The following PLCB1 variants were observed in gnomAD, a reference collection of about 807,000 sequenced individuals.
PLCB1 encodes phospholipase C beta 1, also known as 1-phosphatidylinositol 4,5-bisphosphate phosphodiesterase beta-1.
In PLCB1, 46 loss-of-function variants were observed where a neutral mutation model predicts 161.8. The observed-to-expected ratio is 0.28, with a 90% CI of 0.22 to 0.36. The LOEUF is 0.36. Among genes scored for constraint, PLCB1 ranks in the 10% least tolerant of loss-of-function variants. The pLI is 1.00. For missense variants in PLCB1, 1,016 were observed against 1,472.5 expected, an observed-to-expected ratio of 0.69 and a Z score of 5.07; for synonymous variants, 517 against 503.7, an observed-to-expected ratio of 1.03 and a Z score of -0.35.
intron 1 of PLCB1, among the ~76,000 whole-genome samples, chr20:8,146,391 G>A (rs2051454843): frequency 6.6e-6 from 1 of 152,162 alleles, no homozygotes; most frequent in Non-Finnish European, 1.5e-5. Context: ...TAATAATAGT[G>A]TCTACCTCTT....
intron 2 of PLCB1, among the ~76,000 whole-genome samples, chr20:8,202,227 G>GC (rs5840254): frequency 1 from 152,240 of 152,246 alleles, 76,117 homozygotes; most frequent in Middle Eastern, 1. Context: ...ACAGGCATGC[G>GC]CACCATGCCC....
rs1358745879 is a variant in PLCB1, at chr20:8,466,773, C to T, written c.246+95323C>T. On this transcript the variant is annotated intron_variant, in intron 3 of 31. Transcript: ENST00000338037. The stretch of plus-strand genomic sequence containing the variant: ...CTATCACTTAACAGTCACAATTTTC[C>T]CCAATTTCATGTCATGCATACATTT... Among the ~76,000 whole-genome samples, 3 of 151,980 alleles carry T rather than the reference C, an allele frequency of 2.0e-5. No individual in the cohort carries two copies. In the East Asian group the frequency reaches 5.8e-4, roughly 29 times the overall value.
At chr20:8,361,023 G>A (rs1986522037) in intron 2 of PLCB1, among the ~76,000 whole-genome samples, 1 of 152,178 alleles carries the variant, frequency 6.6e-6, no homozygotes, top group African/African-American at 2.4e-5. Flanking sequence ...CACCAGATAT[G>A]CCATACTGTG....
rs574015779 is a variant in PLCB1, at chr20:8,788,347, A to T, written c.3112-102A>T. 6.2e-5 allele frequency: 65 copies of T among 1,044,586 alleles called. 2 individuals are homozygous for T. In the South Asian group the frequency reaches 9.5e-4, roughly 15 times the overall value. 64.7% of individuals were successfully genotyped at this position (1,044,586 alleles called of 1,614,324 possible). ...CAACTTTAACTATTGTGAAACATCC[A>T]TCACAGATATTCTAACTATAGATTC... On this transcript the variant is annotated intron_variant, in intron 27 of 31. Transcript: ENST00000338037.
At chr20:8,605,945 CTTCATCCAT>C (rs1987746238) in intron 3 of PLCB1, among the ~76,000 whole-genome samples, 1 of 152,152 alleles carries the variant, frequency 6.6e-6, no homozygotes, top group Admixed American at 6.6e-5. Context: ...TGGCCTCCAG[CTTCATCCAT>C]TTCATCCATT....
chr20:8,391,750 G>A (rs1335516025), intron 3 of PLCB1, among the ~76,000 whole-genome samples: 5 of 139,740 alleles, frequency 3.6e-5, no homozygotes, highest in African/African-American at 1.3e-4. Context: ...CTGTGAGACT[G>A]GTAAATAATG....
In PLCB1 at chr20:8,629,851, T is replaced by TTC. The variant is rs1211823755; in HGVS notation, c.384+1422_384+1423dup. On this transcript the variant is annotated intron_variant, in intron 4 of 31. Coordinates refer to ENST00000338037, the MANE Select transcript of PLCB1 (RefSeq NM_015192.4). ...TTTCTTTCTTTCTTTCTTTCTTTCT[T>TTC]TCTTTCTTTCTTTCTTTCTTTCTTT... Among the ~76,000 whole-genome samples, 3 of 98,960 alleles carry TTC rather than the reference T, an allele frequency of 3.0e-5. No homozygotes were observed. In the Admixed American group the frequency reaches 3.7e-4, roughly 12 times the overall value. The allele number at this position is 98,960 out of a possible 152,430, so 64.9% of individuals were successfully genotyped here. A position where few individuals can be genotyped will look rare whatever the true frequency, so the allele number is the denominator to read the frequency against.
chr20:8,211,653 C>A (rs1978830385), intron 2 of PLCB1, among the ~76,000 whole-genome samples: 1 of 152,026 alleles, frequency 6.6e-6, no homozygotes, highest in Admixed American at 6.6e-5. Flanking sequence ...AACATATAGA[C>A]TGTGTTGTTT....
chr20:8,306,871 G>A (rs1053888446), intron 2 of PLCB1, among the ~76,000 whole-genome samples: 2 of 152,194 alleles, frequency 1.3e-5, no homozygotes, highest in Non-Finnish European at 2.9e-5. Context: ...CCATTTACAA[G>A]CATTAACCAA....
At chr20:8,459,311 G>A (rs1022927025) in intron 3 of PLCB1, among the ~76,000 whole-genome samples, 9 of 152,106 alleles carry the variant, frequency 5.9e-5, no homozygotes, top group African/African-American at 1.9e-4. Flanking sequence ...CTGTTCTTTG[G>A]ACATGGATTA....
chr20:8,806,168 AC>A (rs1366279935), intron 31 of PLCB1, among the ~76,000 whole-genome samples: 1 of 151,928 alleles, frequency 6.6e-6, no homozygotes, highest in Non-Finnish European at 1.5e-5. Flanking sequence ...ATTTTAGAAA[AC>A]CTCCAGCTCT....
chr20:8,317,139 A>C (rs1347200770), intron 2 of PLCB1, among the ~76,000 whole-genome samples: 1 of 152,158 alleles, frequency 6.6e-6, no homozygotes, highest in Non-Finnish European at 1.5e-5. Flanking sequence ...GTAGGTGAGC[A>C]GGGATAGAGG....
chr20:8,386,711 T>A (rs1376384728), intron 3 of PLCB1, among the ~76,000 whole-genome samples: 1 of 152,236 alleles, frequency 6.6e-6, no homozygotes, highest in Non-Finnish European at 1.5e-5. Context: ...ATGAAGGTAC[T>A]AGATGGCATC....
intron 3 of PLCB1, among the ~76,000 whole-genome samples, chr20:8,405,111 A>G (rs1359341326): frequency 6.6e-6 from 1 of 152,162 alleles, no homozygotes; most frequent in Non-Finnish European, 1.5e-5. Context: ...ATAAAACAAT[A>G]AACATTTGTT....
chr20:8,386,922 C>A (rs1419452891), intron 3 of PLCB1, among the ~76,000 whole-genome samples: 1 of 152,216 alleles, frequency 6.6e-6, no homozygotes, highest in East Asian at 1.9e-4. Context: ...TAGCTTCATA[C>A]TTTTCTTTTG....
intron 31 of PLCB1, among the ~76,000 whole-genome samples, chr20:8,869,444 G>A (rs948247880): frequency 1.1e-4 from 17 of 152,158 alleles, no homozygotes; most frequent in Non-Finnish European, 2.2e-4. Flanking sequence ...CTGGGCTGAC[G>A]TGGCCTGCTG....
At chr20:8,666,329 G>A (rs1031646379) in intron 9 of PLCB1, among the ~76,000 whole-genome samples, 1 of 152,088 alleles carries the variant, frequency 6.6e-6, no homozygotes, top group Non-Finnish European at 1.5e-5. Context: ...GTTTTTGGAA[G>A]AACCCAAACT....
At chr20:8,198,035 G>C (rs6055630) in intron 2 of PLCB1, among the ~76,000 whole-genome samples, 3,873 of 152,032 alleles carry the variant, frequency 0.025, 185 homozygotes, top group African/African-American at 0.088. Flanking sequence ...ATTTTGGTAA[G>C]AGTACCATGC....
At chr20:8,379,442 CTT>C (rs1194553997) in intron 3 of PLCB1, among the ~76,000 whole-genome samples, 1 of 152,064 alleles carries the variant, frequency 6.6e-6, no homozygotes, top group Non-Finnish European at 1.5e-5. Flanking sequence ...AATAGAATGA[CTT>C]ATATTCCTCT....
Sources: allele counts gnomAD v4.1 joint callset (sites outside exome capture counted in the v4.1 genomes callset), GRCh38; gene constraint gnomAD v4.1.1; transcripts MANE v1.5; gene names NCBI Gene and HGNC (gene_info 2026-07-23, HGNC 2026-07-21).